The following SPATA45 variants were observed in gnomAD, a reference collection of about 807,000 sequenced individuals.
SPATA45 encodes spermatogenesis-associated protein 45.
A neutral mutation model predicts 7.0 loss-of-function variants in SPATA45; 5 were observed. The ratio of observed to expected loss-of-function variants is 0.71; its 90% CI spans 0.37 to 1.50. SPATA45 has a LOEUF of 1.50. Among genes scored for constraint, SPATA45 ranks in the 40% most tolerant of loss-of-function variants. The pLI is 0.03. For synonymous variants in SPATA45, 40 were observed against 38.7 expected (o/e 1.03, Z -0.13); for missense variants, 111 against 114.9 (o/e 0.97, Z 0.16).
intron 1 of SPATA45, among the ~76,000 whole-genome samples, chr1:212,842,039 G>A (rs1023042638): frequency 2.6e-5 from 4 of 151,932 alleles, no homozygotes; most frequent in Non-Finnish European, 5.9e-5. Flanking sequence ...GGGATTACAG[G>A]CGTAAGTCAT....
intron 1 of SPATA45, among the ~76,000 whole-genome samples, chr1:212,844,129 C>T (rs773841797): frequency 1.3e-5 from 2 of 152,168 alleles, no homozygotes; most frequent in Non-Finnish European, 2.9e-5. Flanking sequence ...GCCGGGACTG[C>T]ACCCTGTAGC....
intron 2 of SPATA45, among the ~76,000 whole-genome samples, chr1:212,830,880 G>A (rs939451123): frequency 2.6e-5 from 4 of 151,546 alleles, no homozygotes; most frequent in Non-Finnish European, 5.9e-5. Context: ...TACTCAGGAG[G>A]CTGAGGCAGG....
At chr1:212,840,365 G>C (rs1281495928) in intron 1 of SPATA45, among the ~76,000 whole-genome samples, 1 of 152,206 alleles carries the variant, frequency 6.6e-6, no homozygotes, top group Non-Finnish European at 1.5e-5. Context: ...AGCGGAGATC[G>C]TTCCATTGCA....
chr1:212,847,453 G>A (rs1380976388), intron 1 of SPATA45, 127 bp downstream of exon 1: 1 of 152,056 alleles, frequency 6.6e-6, no homozygotes, highest in Non-Finnish European at 1.5e-5. Flanking sequence ...CTTTCTAGGA[G>A]CAATGGTTCA....
rs879356097 is a variant in SPATA45 at position 212,842,148 on chromosome 1, C to T, written c.-39+5432G>A. Among the ~76,000 whole-genome samples, 9 of 151,056 alleles carry T rather than the reference C, an allele frequency of 6.0e-5. No individual in the cohort carries two copies. In the East Asian group the frequency reaches 1.0e-3, roughly 17 times the overall value. On this transcript the variant is annotated intron_variant, in intron 1 of 2. Transcript: ENST00000332912. ...ATCCCATCACTTTGGGAGGCCGAGG[C>T]GGGTGGATCACCTGACGTCAGGGGT...
intron 2 of SPATA45, among the ~76,000 whole-genome samples, chr1:212,830,943 A>G (rs905288567): frequency 6.6e-6 from 1 of 151,196 alleles, no homozygotes; most frequent in Non-Finnish European, 1.5e-5. Flanking sequence ...AGATCGCAAC[A>G]CTGCATTCCA....
chr1:212,842,231 A>G (rs1339078980), intron 1 of SPATA45, among the ~76,000 whole-genome samples: 2 of 151,734 alleles, frequency 1.3e-5, no homozygotes, highest in African/African-American at 4.8e-5. Context: ...TACAAAAATT[A>G]GCCAAGTGTG....
At chr1:212,832,358 GC>G (rs1391037515) in intron 2 of SPATA45, among the ~76,000 whole-genome samples, 2 of 97,228 alleles carry the variant, frequency 2.1e-5, no homozygotes, top group African/African-American at 3.8e-5. Flanking sequence ...TGAAATCTAA[GC>G]TTTTTTTTTT....
intron 1 of SPATA45, among the ~76,000 whole-genome samples, chr1:212,839,694 G>C (rs1663647048): frequency 6.6e-6 from 1 of 151,612 alleles, no homozygotes; most frequent in South Asian, 2.1e-4. Context: ...TTGGGAATGG[G>C]GAAAGGTAGG....
At chr1:212,846,336 C>T (rs1663794028) in intron 1 of SPATA45, among the ~76,000 whole-genome samples, 1 of 152,146 alleles carries the variant, frequency 6.6e-6, no homozygotes. Context: ...CAACACTTCA[C>T]CACTGTTTTG....
chr1:212,830,594 C>G (rs1213558927), intron 2 of SPATA45, among the ~76,000 whole-genome samples: 1 of 149,830 alleles, frequency 6.7e-6, no homozygotes, highest in Non-Finnish European at 1.5e-5. Flanking sequence ...ATCGGTTGAA[C>G]CCAGGAGGCG....
At chr1:212,845,192 T>C (rs1206826271) in intron 1 of SPATA45, among the ~76,000 whole-genome samples, 1 of 152,204 alleles carries the variant, frequency 6.6e-6, no homozygotes, top group Non-Finnish European at 1.5e-5. Context: ...CTTTCTATCG[T>C]GAAAATCTAT....
chr1:212,836,930 T>C (rs1663596921), intron 1 of SPATA45, among the ~76,000 whole-genome samples: 2 of 151,412 alleles, frequency 1.3e-5, no homozygotes, highest in Admixed American at 1.3e-4. Context: ...GTGCTGGGAT[T>C]ACAGGCATGA....
Position 212,840,446 on chromosome 1 carries a change from TATTTTGTTTTC to T in SPATA45, c.-38-4270_-38-4260del, listed in dbSNP as rs1194228211. Among the ~76,000 whole-genome samples, 10 of 152,198 alleles carry T rather than the reference TATTTTGTTTTC, an allele frequency of 6.6e-5. No homozygotes were observed. In the East Asian group the frequency reaches 1.9e-3, roughly 29 times the overall value. On this transcript the variant is annotated intron_variant, in intron 1 of 2. Transcript: ENST00000332912. Reference sequence around the variant, plus strand: ...CACAAAATTAATTTTAATTTTAAATTATTTTGTTTTCATTTTGTTTTGTTTTTTTGAGACAG... The same window carrying T: ...CACAAAATTAATTTTAATTTTAAATTATTTTGTTTTGTTTTTTTGAGACAG...
At chr1:212,839,377 A>T (rs1458932345) in intron 1 of SPATA45, among the ~76,000 whole-genome samples, 1 of 151,104 alleles carries the variant, frequency 6.6e-6, no homozygotes, top group Non-Finnish European at 1.5e-5. Context: ...AGCACTTTGG[A>T]AAGCTGAGGA....
chr1:212,840,829 AG>A (rs1333336584), intron 1 of SPATA45, among the ~76,000 whole-genome samples: 1 of 152,046 alleles, frequency 6.6e-6, no homozygotes, highest in Non-Finnish European at 1.5e-5. Context: ...CATGTTAGCC[AG>A]GATGGACTCG....
intron 2 of SPATA45, 98 bp from the exon 3 acceptor site, chr1:212,830,359 TA>T: frequency 1.4e-6 from 1 of 709,120 alleles, no homozygotes; most frequent in Non-Finnish European, 2.3e-6. Flanking sequence ...GTTTTTCAGA[TA>T]CAGGAACTAA....
At position 212,842,904 on chromosome 1, in the gene SPATA45, C is replaced by T. The variant is rs375555824; in HGVS notation, c.-39+4676G>A. ...GAGATCAAGACCATCCTGGCTAACACGGTGAAACCCTGTCTCTACTAAAAA... is the reference window on the plus strand; with the variant it reads ...GAGATCAAGACCATCCTGGCTAACATGGTGAAACCCTGTCTCTACTAAAAA... On this transcript the variant is annotated intron_variant, in intron 1 of 2. Coordinates refer to ENST00000332912, the MANE Select transcript of SPATA45 (RefSeq NM_001024601.3). 4.3e-3 allele frequency among the ~76,000 whole-genome samples: 625 copies of T among 146,240 alleles called. 3 individuals are homozygous for T. The highest frequency in any genetic ancestry group is 0.015 in the African/African-American group (598 of 39,690).
intron 1 of SPATA45, among the ~76,000 whole-genome samples, chr1:212,845,914 A>T (rs1214482729): frequency 2.6e-5 from 4 of 152,190 alleles, no homozygotes; most frequent in African/African-American, 9.7e-5. Context: ...ACCTAAATCA[A>T]TCTGGCCTGG....
Sources: gnomAD v4.1 joint callset for allele counts (sites outside exome capture counted in the v4.1 genomes callset) on GRCh38, gnomAD v4.1.1 for gene constraint, MANE v1.5 for transcripts, NCBI Gene and HGNC (gene_info 2026-07-23, HGNC 2026-07-21) for gene names.